The following ADAMTS16 variants were observed in gnomAD, a reference collection of about 807,000 sequenced individuals.
ADAMTS16 encodes A disintegrin and metalloproteinase with thrombospondin motifs 16.
A neutral mutation model predicts 145.8 loss-of-function variants in ADAMTS16; 94 were observed. The observed-to-expected ratio is 0.64, with a 90% CI of 0.55 to 0.77. The LOEUF is 0.77. ADAMTS16 is among the 30% of genes least tolerant of loss of function. The pLI, the probability that ADAMTS16 is intolerant of heterozygous loss-of-function variation, is 0.00. For missense variants in ADAMTS16, 1,585 were observed against 1,591.5 expected (o/e 1.00, Z 0.07); for synonymous variants, 659 against 604.3 (o/e 1.09, Z -1.33).
intron 11 of ADAMTS16, among the ~76,000 whole-genome samples, chr5:5,224,552 G>A (rs1404918243): frequency 6.6e-6 from 1 of 152,168 alleles, no homozygotes; most frequent in Non-Finnish European, 1.5e-5. Context: ...GCCTCCCAAA[G>A]TGCTGGGATT....
intron 12 of ADAMTS16, 22 bp downstream of exon 12, chr5:5,232,538 T>C: frequency 6.2e-7 from 1 of 1,608,362 alleles, no homozygotes; most frequent in Non-Finnish European, 8.5e-7. Flanking sequence ...TTGACCTCCT[T>C]CCTCACAAAC....
At chr5:5,258,784 G>A (rs1310601672) in intron 17 of ADAMTS16, among the ~76,000 whole-genome samples, 1 of 152,056 alleles carries the variant, frequency 6.6e-6, no homozygotes, top group Non-Finnish European at 1.5e-5. Flanking sequence ...GAAAAAATAG[G>A]CTTTTAATCT....
chr5:5,242,018 A>T, intron 16 of ADAMTS16, 35 bp from the exon 17 acceptor site: 1 of 1,611,672 alleles, frequency 6.2e-7, no homozygotes, highest in Non-Finnish European at 8.5e-7. Context: ...TTTTGCATTA[A>T]TTTGTTTTAT....
At chr5:5,157,983 C>G (rs1463583287) in intron 3 of ADAMTS16, among the ~76,000 whole-genome samples, 6 of 152,212 alleles carry the variant, frequency 3.9e-5, no homozygotes, top group Non-Finnish European at 8.8e-5. Flanking sequence ...GCTGTTGCCT[C>G]TGCCTGCAAA....
rs1734124439 is a variant in ADAMTS16 at position 5,140,506 on chromosome 5, G to T, written c.39G>T (p.Ala13=). The T allele has an allele frequency of 2.0e-6, 3 of 1,519,014 alleles. No homozygotes were observed. The highest frequency in any genetic ancestry group is 1.7e-6 in the Non-Finnish European group (2 of 1,143,762). The allele number at this position is 1,519,014 out of a possible 1,614,324, so 94.1% of individuals were successfully genotyped here. ...CGCGCGGATGGCGGGGCTTGGCGGC[G>T]CTGTGGATGCTGTTGGCGCAGGTGG... ...PRARGWRGLA[A]LWMLLAQVAE... The change falls in exon 1 of 23, where the codon GCG becomes GCT. Residue 13 remains alanine (A), a synonymous_variant. Transcript: ENST00000274181.
At chr5:5,229,849 G>A (rs767423048) in intron 11 of ADAMTS16, among the ~76,000 whole-genome samples, 5 of 152,170 alleles carry the variant, frequency 3.3e-5, no homozygotes, top group Admixed American at 6.5e-5. Context: ...AATATCATTA[G>A]CCTTGCAACA....
At chr5:5,268,395 C>T (rs530503413) in intron 18 of ADAMTS16, among the ~76,000 whole-genome samples, 7 of 152,308 alleles carry the variant, frequency 4.6e-5, no homozygotes, top group South Asian at 4.1e-4. Context: ...GCACTGCAGA[C>T]GAAGGTCTCA....
chr5:5,277,669 A>C (rs886707202), intron 18 of ADAMTS16, among the ~76,000 whole-genome samples: 1 of 152,162 alleles, frequency 6.6e-6, no homozygotes, highest in Non-Finnish European at 1.5e-5. Context: ...CATTTATGAT[A>C]TATTTCCTTA....
chr5:5,319,844 A>G lies in ADAMTS16; in HGVS notation c.*706A>G, dbSNP rs1579429355. ...CTATCTCTTTCAGATTCATGCATTG[A>G]AGGAGAGATTTTTTATACTTTATGT... On this transcript the variant is annotated 3_prime_UTR_variant, in exon 23 of 23. Coordinates refer to ENST00000274181, the MANE Select transcript of ADAMTS16 (RefSeq NM_139056.4). The G allele has an allele frequency of 2.2e-6, 1 of 455,146 alleles. No homozygotes were observed. Among genetic ancestry groups the G allele is most frequent in the African/African-American group, 2.0e-5 (1 of 49,894 alleles). 28.2% of individuals were successfully genotyped at this position (455,146 alleles called of 1,614,324 possible).
In ADAMTS16 at chr5:5,149,473, T is replaced by G; in HGVS notation, c.501+3018T>G. On this transcript the variant is annotated intron_variant, in intron 3 of 22. Transcript: ENST00000274181. ...TGAATGTTATACTTTGCTAATAGCT[T>G]TACAATTGTTATCTCACTTAGCTTG... Among the ~76,000 whole-genome samples, 2 of 152,212 alleles carry G rather than the reference T, an allele frequency of 1.3e-5. 1 individual carries two copies. Among genetic ancestry groups the G allele is most frequent in the Admixed American group, 1.3e-4 (2 of 15,286 alleles).
In ADAMTS16 at chr5:5,181,454, A is replaced by G. The variant is rs190580155; in HGVS notation, c.502-590A>G. On this transcript the variant is annotated intron_variant, in intron 3 of 22. Coordinates refer to ENST00000274181, the MANE Select transcript of ADAMTS16 (RefSeq NM_139056.4). ...CCCTACAGACATTTTTGGTATTTTT[A>G]TAAAATCACTGCTTTCCTATTTCCT... is the stretch of plus-strand genomic sequence containing the variant. Among the ~76,000 whole-genome samples, 17 of 152,318 alleles carry G rather than the reference A, an allele frequency of 1.1e-4. No individual in the cohort carries two copies. In the East Asian group the frequency reaches 3.3e-3, roughly 29 times the overall value.
rs1311771299 is a variant in ADAMTS16 at position 5,186,092 on chromosome 5, A to C, written c.804A>C (p.Pro268=). Residue 268 remains proline, a synonymous_variant, in exon 5 of 23, where the codon CCA becomes CCC. Transcript: ENST00000274181. ...QPPKEDLFIL[P]DEYKSCLRHK... ...CCAAGGAAGACCTCTTCATCTTGCC[A>C]GATGAGTATAAGTCTTGCTTACGGC... 6.2e-7 allele frequency: 1 copy of C among 1,614,102 alleles called. No homozygotes were observed. Among genetic ancestry groups the C allele is most frequent in the East Asian group, 2.2e-5 (1 of 44,872 alleles).
At chr5:5,146,877 T>C (rs986421174) in intron 3 of ADAMTS16, among the ~76,000 whole-genome samples, 6 of 152,362 alleles carry the variant, frequency 3.9e-5, no homozygotes, top group Admixed American at 3.9e-4. Context: ...ATCAGATATT[T>C]GAAAGACTTT....
rs549507353 is a variant in ADAMTS16, at chr5:5,183,647, G to A, written c.763+1342G>A. On this transcript the variant is annotated intron_variant, in intron 4 of 22. Coordinates refer to ENST00000274181, the MANE Select transcript of ADAMTS16 (RefSeq NM_139056.4). ...ACTGTGAGAGGACTGCGATCCTTTC[G>A]TTCCTCTCTGAAGGTGGTCGCCATG... Among the ~76,000 whole-genome samples, 374 of 152,302 alleles carry A rather than the reference G, an allele frequency of 2.5e-3. 1 individual carries two copies. Among genetic ancestry groups the A allele is most frequent in the Non-Finnish European group, 2.9e-3 (197 of 68,028 alleles).
At chr5:5,187,596 G>T (rs1037458110) in intron 5 of ADAMTS16, 129 bp from the exon 6 acceptor site, 3 of 697,252 alleles carry the variant, frequency 4.3e-6, no homozygotes, top group Admixed American at 2.7e-5. Context: ...ACATCTGTCT[G>T]CCTAGCAATA....
chr5:5,204,144 G>A (rs1393119931), intron 9 of ADAMTS16, among the ~76,000 whole-genome samples: 1 of 152,108 alleles, frequency 6.6e-6, no homozygotes, highest in Non-Finnish European at 1.5e-5. Flanking sequence ...AAGGTCTTTG[G>A]TGGGTAATAT....
At chr5:5,212,628 T>C (rs1400708291) in intron 10 of ADAMTS16, among the ~76,000 whole-genome samples, 2 of 152,182 alleles carry the variant, frequency 1.3e-5, no homozygotes, top group African/African-American at 4.8e-5. Flanking sequence ...GATTGCTCTT[T>C]GCATGATCAC....
Position 5,319,390 on chromosome 5 carries a change from G to A in ADAMTS16, c.*252G>A, listed in dbSNP as rs972654735. The A allele has an allele frequency of 1.8e-5, 9 of 494,776 alleles. No homozygotes were observed. The highest frequency in any genetic ancestry group is 5.8e-5 in the African/African-American group (3 of 51,516). The allele number at this position is 494,776 out of a possible 1,614,324, so 30.6% of individuals were successfully genotyped here. On this transcript the variant is annotated 3_prime_UTR_variant, in exon 23 of 23. Transcript: ENST00000274181. ...ACCCTGGCAGACAGAGCTGTGGCTCGTGAGGCAGAAGGCAGGCACCACAAC... is the reference window on the plus strand; with the variant it reads ...ACCCTGGCAGACAGAGCTGTGGCTCATGAGGCAGAAGGCAGGCACCACAAC...
chr5:5,282,644 TAGA>T lies in ADAMTS16; in HGVS notation c.2789+19864_2789+19866del. ...CCCACCTCTCAACACTTGTCTTTCT[TAGA>T]AGGTTTAGGGCTCTTCCTGAATGTT... On this transcript the variant is annotated intron_variant, in intron 18 of 22. Transcript: ENST00000274181. 2.0e-5 allele frequency among the ~76,000 whole-genome samples: 3 copies of T among 152,314 alleles called. No individual in the cohort carries two copies. The South Asian group carries it at 6.2e-4, about 32-fold the overall frequency.
Sources: gnomAD v4.1 joint callset for allele counts (sites outside exome capture counted in the v4.1 genomes callset) on GRCh38, gnomAD v4.1.1 for gene constraint, MANE v1.5 for transcripts, NCBI Gene and HGNC (gene_info 2026-07-23, HGNC 2026-07-21) for gene names.